The following GBF1 variants were observed in gnomAD, a reference collection of about 807,000 sequenced individuals.
GBF1 encodes Golgi-specific brefeldin A-resistance guanine nucleotide exchange factor 1.
GBF1 carries 114 observed loss-of-function variants against 210.5 expected under a neutral mutation model. The ratio of observed to expected loss-of-function variants is 0.54; its 90% CI spans 0.47 to 0.63. The LOEUF is 0.63. Among genes scored for constraint, GBF1 ranks in the 30% least tolerant of loss-of-function variants. The pLI is 0.00. For missense variants in GBF1, 1,851 were observed against 2,357.7 expected, an observed-to-expected ratio of 0.79 and a Z score of 4.45; for synonymous variants, 850 against 889.2, an observed-to-expected ratio of 0.96 and a Z score of 0.78.
intron 3 of GBF1, among the ~76,000 whole-genome samples, chr10:102,304,401 G>T (rs1321169617): frequency 6.6e-6 from 1 of 152,164 alleles, no homozygotes; most frequent in Non-Finnish European, 1.5e-5. Context: ...TTAAATCTGA[G>T]AAAATTTTGG....
intron 3 of GBF1, among the ~76,000 whole-genome samples, chr10:102,263,459 A>G (rs1410126124): frequency 6.6e-6 from 1 of 152,006 alleles, no homozygotes; most frequent in Non-Finnish European, 1.5e-5. Flanking sequence ...TTCTGTTTGC[A>G]TTTTTCTAGG....
At chr10:102,346,615 C>G (rs569988756) in intron 4 of GBF1, among the ~76,000 whole-genome samples, 4 of 152,290 alleles carry the variant, frequency 2.6e-5, no homozygotes, top group African/African-American at 9.6e-5. Flanking sequence ...TCAGGTGATC[C>G]TCCCACCTCC....
chr10:102,379,226 G>T, intron 33 of GBF1, 58 bp from the exon 34 acceptor site: 1 of 1,548,830 alleles, frequency 6.5e-7, no homozygotes. Context: ...GTGGGGAGGG[G>T]GAAAGGGATC....
chr10:102,255,653 A>G (rs532814117), intron 1 of GBF1, among the ~76,000 whole-genome samples: 3 of 152,204 alleles, frequency 2.0e-5, no homozygotes, highest in Non-Finnish European at 2.9e-5. Flanking sequence ...CATCTTGCCT[A>G]CATAATTTAA....
At chr10:102,298,324 A>G (rs1188206407) in intron 3 of GBF1, among the ~76,000 whole-genome samples, 1 of 152,230 alleles carries the variant, frequency 6.6e-6, no homozygotes, top group African/African-American at 2.4e-5. Flanking sequence ...ACTAGATGAC[A>G]AGTCGAGTCC....
intron 33 of GBF1, 53 bp downstream of exon 33, chr10:102,377,193 C>G (rs1056863565): frequency 2.0e-6 from 3 of 1,470,290 alleles, no homozygotes; most frequent in Non-Finnish European, 2.8e-6. Context: ...ATACTGGGAG[C>G]CTGGGGCGGC....
the GBF1 span, among the ~76,000 whole-genome samples, chr10:102,232,727 C>CT: frequency 3.3e-5 from 5 of 152,254 alleles, no homozygotes; most frequent in South Asian, 1.0e-3. Flanking sequence ...GCTACATACC[C>CT]TATACTACAT....
chr10:102,260,414 C>G (rs964682684), intron 3 of GBF1, among the ~76,000 whole-genome samples: 1 of 151,468 alleles, frequency 6.6e-6, no homozygotes, highest in African/African-American at 2.4e-5. Flanking sequence ...CCTGTCTTGG[C>G]CTCTCAAAGT....
Position 102,360,281 on chromosome 10 carries a change from T to G in GBF1, c.1278T>G (p.Val426=). The part of the protein sequence containing the change: ...TNPHDRHNSE[V]MIHMGLHLLT... ...CACACGACCGCCATAACTCAGAGGTTATGATTCACATGGGACTGCATTTGC... is the reference window on the plus strand; with the variant it reads ...CACACGACCGCCATAACTCAGAGGTGATGATTCACATGGGACTGCATTTGC... Residue 426 remains valine (V), a synonymous_variant, in exon 12 of 40, where the codon GTT becomes GTG. Transcript: ENST00000369983. 6.2e-7 allele frequency: 1 copy of G among 1,613,944 alleles called. No individual in the cohort carries two copies. The highest frequency in any genetic ancestry group is 8.5e-7 in the Non-Finnish European group (1 of 1,179,816).
chr10:102,241,887 C>T (rs1482528465), upstream of GBF1, among the ~76,000 whole-genome samples: 2 of 152,218 alleles, frequency 1.3e-5, no homozygotes, highest in African/African-American at 4.8e-5. The surrounding 1 kb of genome is among the most constrained non-coding windows in gnomAD (Gnocchi z 6.7). Flanking sequence ...GAAAGTGGAT[C>T]GGCGCCAGGT....
intron 14 of GBF1, among the ~76,000 whole-genome samples, chr10:102,362,120 G>A (rs989139848): frequency 2.9e-5 from 4 of 138,930 alleles, no homozygotes; most frequent in Admixed American, 2.3e-4. Context: ...GCAGTGGCGC[G>A]ATCTCGGCTC....
chr10:102,251,581 TCTCA>T (rs2071544462), intron 1 of GBF1, among the ~76,000 whole-genome samples: 1 of 151,986 alleles, frequency 6.6e-6, no homozygotes, highest in Non-Finnish European at 1.5e-5. Flanking sequence ...TGAGGCAGAG[TCTCA>T]CTCTGTCACC....
chr10:102,358,601 G>C lies in GBF1; in HGVS notation c.883G>C (p.Glu295Gln). Residue 295 changes from glutamate to glutamine, a missense_variant, in exon 10 of 40, where the codon GAA (glutamate) becomes CAA (glutamine). By Grantham distance (29) the Glu-to-Gln change is conservative. Transcript: ENST00000369983. ...CAGTCCCTCTACAGACAGTGGCCTGGAATTCTCCTCCCAAACCACTTCCAA... is the reference window on the plus strand; with the variant it reads ...CAGTCCCTCTACAGACAGTGGCCTGCAATTCTCCTCCCAAACCACTTCCAA... ...VVSPSTDSGL[E>Q]FSSQTTSKED... 1 of 1,613,868 alleles carries C rather than the reference G, an allele frequency of 6.2e-7. No homozygotes were observed. Among genetic ancestry groups the C allele is most frequent in the Non-Finnish European group, 8.5e-7 (1 of 1,179,754 alleles).
chr10:102,259,426 T>TG (rs1398938509), intron 2 of GBF1, among the ~76,000 whole-genome samples: 1 of 152,198 alleles, frequency 6.6e-6, no homozygotes, highest in Non-Finnish European at 1.5e-5. Context: ...TACTCCTTCT[T>TG]GGGGGTTCAG....
chr10:102,231,076 T>C, the GBF1 span: 2 of 1,564,392 alleles, frequency 1.3e-6, no homozygotes, highest in Non-Finnish European at 8.6e-7. Flanking sequence ...CTTCCGCCAT[T>C]TGGCGCGCCG....
At chr10:102,311,118 A>G (rs1416944667) in intron 3 of GBF1, among the ~76,000 whole-genome samples, 1 of 152,234 alleles carries the variant, frequency 6.6e-6, no homozygotes, top group Non-Finnish European at 1.5e-5. Context: ...GGACTTATTT[A>G]TTAAAAGGAC....
At chr10:102,316,042 C>T (rs980820840) in intron 3 of GBF1, among the ~76,000 whole-genome samples, 1 of 150,462 alleles carries the variant, frequency 6.6e-6, no homozygotes, top group African/African-American at 2.4e-5. Context: ...AGGATGAGGA[C>T]AGTAGTCTCT....
At position 102,376,729 on chromosome 10, in the gene GBF1, A is replaced by C; in HGVS notation, c.4217A>C (p.His1406Pro). ...TCCTTCATTGTGCGTGATGCTGCCCACATCACACCTGACAACTTTGAGCTC... is the reference window on the plus strand; with the variant it reads ...TCCTTCATTGTGCGTGATGCTGCCCCCATCACACCTGACAACTTTGAGCTC... ...SLSFIVRDAA[H>P]ITPDNFELCV... The change falls in exon 32 of 40, where the codon CAC becomes CCC. Residue 1406 changes from histidine (H) to proline (P), a missense_variant. This residue lies in a region of GBF1 where 967 missense variants were observed against 1,247.7 expected (regional missense o/e 0.78). Coordinates refer to ENST00000369983, the MANE Select transcript of GBF1 (RefSeq NM_001377137.1). The C allele has an allele frequency of 6.2e-7, 1 of 1,610,970 alleles. No homozygotes were observed. The highest frequency in any genetic ancestry group is 8.5e-7 in the Non-Finnish European group (1 of 1,179,070).
At chr10:102,287,817 A>G (rs2076089001) in intron 3 of GBF1, among the ~76,000 whole-genome samples, 1 of 152,236 alleles carries the variant, frequency 6.6e-6, no homozygotes, top group Non-Finnish European at 1.5e-5. Context: ...TATTAGTCAC[A>G]TAGACCAACC....
Sources: gnomAD v4.1 joint callset for allele counts (sites outside exome capture counted in the v4.1 genomes callset) on GRCh38, gnomAD v4.1.1 for gene constraint, gnomAD v4.1.1 regional missense constraint, Gnocchi (gnomAD v3.1) non-coding constraint, MANE v1.5 for transcripts, NCBI Gene and HGNC (gene_info 2026-07-23, HGNC 2026-07-21) for gene names.